Variants in DIP2C observed in about 807,000 individuals in gnomAD.
DIP2C encodes the protein DIP2 acetate--CoA ligase C (putative).
Under a neutral mutation model 192.4 loss-of-function variants are expected in DIP2C, and 33 were observed. The observed-to-expected ratio is 0.17, with a 90% CI of 0.13 to 0.23. DIP2C has a LOEUF of 0.23. Ranked by LOEUF, DIP2C falls within the 10% of genes least tolerant of loss-of-function variation. DIP2C has a pLI of 1.00. For synonymous variants in DIP2C, 979 were observed against 864.1 expected (o/e 1.13, Z -2.33); for missense variants, 1,537 against 2,110.1 (o/e 0.73, Z 5.32).
chr10:642,479 A>C (rs1855243814), intron 1 of DIP2C, among the ~76,000 whole-genome samples: 1 of 152,276 alleles, frequency 6.6e-6, no homozygotes, highest in South Asian at 2.1e-4. Context: ...CCAGGCCACC[A>C]GGTGTCTATT....
chr10:399,251 A>G, intron 9 of DIP2C, 32 bp from the exon 10 acceptor site: 1 of 1,586,294 alleles, frequency 6.3e-7, no homozygotes, highest in Non-Finnish European at 8.7e-7. Context: ...GTCAGCATTA[A>G]CGTGGGGTCC....
At chr10:352,826 C>A (rs12572634) in intron 24 of DIP2C, among the ~76,000 whole-genome samples, 3 of 152,120 alleles carry the variant, frequency 2.0e-5, no homozygotes, top group Admixed American at 6.5e-5. Flanking sequence ...CTACACCACA[C>A]GGCAACTCCA....
rs374436216 is a variant in DIP2C at position 363,162 on chromosome 10, A to C, written c.2592+35T>G. 11 of 1,584,296 alleles carry C rather than the reference A, an allele frequency of 6.9e-6. No homozygotes were observed. The highest frequency in any genetic ancestry group is 9.5e-6 in the Non-Finnish European group (11 of 1,155,870). ...GAAGTAAGGAGGCCAGAAACAAGAC[A>C]CAGGGGACCAGTGCCCAGGGCGAGG... On this transcript the variant is annotated intron_variant, in intron 21 of 36. Coordinates refer to ENST00000280886, the MANE Select transcript of DIP2C (RefSeq NM_014974.3). This position sits in a 1 kb window ranked among gnomAD's most constrained non-coding sequence, Gnocchi z 5.4.
chr10:659,266 A>G (rs1856605841), intron 1 of DIP2C, among the ~76,000 whole-genome samples: 1 of 149,552 alleles, frequency 6.7e-6, no homozygotes, highest in Admixed American at 6.7e-5. Context: ...GCACACACAT[A>G]CATACAACAC....
chr10:431,649 A>G (rs1264133290), intron 4 of DIP2C, among the ~76,000 whole-genome samples: 2 of 152,312 alleles, frequency 1.3e-5, no homozygotes, highest in African/African-American at 4.8e-5. Flanking sequence ...ATTAAACTCA[A>G]TTCTTTTGGA....
At chr10:456,589 G>T (rs1038364683) in intron 3 of DIP2C, among the ~76,000 whole-genome samples, 6 of 152,214 alleles carry the variant, frequency 3.9e-5, no homozygotes, top group Non-Finnish European at 5.9e-5. Flanking sequence ...CCCAAGTCTG[G>T]AAAGAGGACA....
At chr10:397,713 A>G (rs1387699068) in intron 10 of DIP2C, among the ~76,000 whole-genome samples, 1 of 152,228 alleles carries the variant, frequency 6.6e-6, no homozygotes, top group Admixed American at 6.6e-5. Flanking sequence ...TGTCTCTTAC[A>G]GTTACCGTAA....
chr10:656,385 T>C (rs1047551348), intron 1 of DIP2C, among the ~76,000 whole-genome samples: 4 of 152,218 alleles, frequency 2.6e-5, no homozygotes, highest in Non-Finnish European at 4.4e-5. Flanking sequence ...ATCCTGTTTG[T>C]TCCATTCTAT....
chr10:472,361 C>T (rs770581278), intron 3 of DIP2C, 78 bp downstream of exon 3: 45 of 1,362,152 alleles, frequency 3.3e-5, no homozygotes, highest in Non-Finnish European at 4.1e-5. Flanking sequence ...ACTTCTGCCT[C>T]GCCCAGTGGC....
intron 3 of DIP2C, among the ~76,000 whole-genome samples, chr10:449,774 AG>A (rs1221439128): frequency 6.8e-4 from 97 of 142,152 alleles, no homozygotes; most frequent in African/African-American, 2.7e-3. Flanking sequence ...TAAAACTTAA[AG>A]TATAATTAAA....
At chr10:414,753 A>ATTTTTTTTTTTT (rs1965478113) in intron 7 of DIP2C, among the ~76,000 whole-genome samples, 1 of 134,954 alleles carries the variant, frequency 7.4e-6, no homozygotes, top group African/African-American at 2.8e-5. Flanking sequence ...ATATATATAT[A>ATTTTTTTTTTTT]TATAATGTGT....
At position 512,113 on chromosome 10, in the gene DIP2C, A is replaced by G. The variant is rs1296618808; in HGVS notation, c.86-25583T>C. On this transcript the variant is annotated intron_variant, in intron 1 of 36. Transcript: ENST00000280886. ...GGCCTCCTGCTCTTTGTAAATGTCA[A>G]CCTTCCTAAGCAATGTCGTGTTGAC... Among the ~76,000 whole-genome samples the G allele has an allele frequency of 9.2e-5, 14 of 152,316 alleles. No homozygotes were observed. The East Asian group carries it at 1.7e-3, about 19-fold the overall frequency.
At chr10:612,474 G>C (rs1853163148) in intron 1 of DIP2C, among the ~76,000 whole-genome samples, 1 of 152,180 alleles carries the variant, frequency 6.6e-6, no homozygotes, top group Non-Finnish European at 1.5e-5. Flanking sequence ...CACAGTTAAG[G>C]AAATTTTAAA....
intron 1 of DIP2C, among the ~76,000 whole-genome samples, chr10:577,687 T>A (rs1176926574): frequency 6.6e-6 from 1 of 152,226 alleles, no homozygotes; most frequent in East Asian, 1.9e-4. Flanking sequence ...ATACAAGGTT[T>A]TGCTTTTAAC....
chr10:500,913 G>A (rs929159449), intron 1 of DIP2C, among the ~76,000 whole-genome samples: 3 of 152,100 alleles, frequency 2.0e-5, no homozygotes, highest in African/African-American at 7.2e-5. Context: ...ACCTTGCTGT[G>A]TAAAATAATG....
intron 1 of DIP2C, among the ~76,000 whole-genome samples, chr10:677,601 C>T (rs960876736): frequency 3.3e-5 from 5 of 152,202 alleles, no homozygotes; most frequent in Admixed American, 1.3e-4. Flanking sequence ...AGTTATTATA[C>T]ATAGTTGAAG....
Position 363,273 on chromosome 10 carries a change from C to T in DIP2C, c.2516G>A (p.Arg839Lys). 6.2e-7 allele frequency: 1 copy of T among 1,613,192 alleles called. No individual in the cohort carries two copies. The highest frequency in any genetic ancestry group is 8.5e-7 in the Non-Finnish European group (1 of 1,180,006). ...VFSVTVLHDE[R>K]IVIVAEQRPD... ...CCTCTGCTCAGCCACGATCACGATC[C>T]TCTCGTCGTGCAGCACGGTCACCGA... Residue 839 changes from arginine (R) to lysine (K), a missense_variant, in exon 21 of 37, where the codon AGG (arginine) becomes AAG (lysine). Physicochemically the swap from Arg to Lys is conservative, Grantham distance 26. Transcript: ENST00000280886. The surrounding 1 kb of genome is among the most constrained non-coding windows in gnomAD (Gnocchi z 5.4).
chr10:467,540 A>G (rs1373138742), intron 3 of DIP2C, among the ~76,000 whole-genome samples: 1 of 12,438 alleles, frequency 8.0e-5, no homozygotes, highest in African/African-American at 9.2e-5. Context: ...AAAAAAAAAT[A>G]AATAAAATAA....
chr10:288,494 G>A (rs1955278256), intron 32 of DIP2C, 73 bp from the exon 33 acceptor site: 7 of 1,511,364 alleles, frequency 4.6e-6, no homozygotes, highest in Non-Finnish European at 6.4e-6. Flanking sequence ...TTCACACGAG[G>A]TCACGAGCCT....
Sources: allele counts gnomAD v4.1 joint callset (sites outside exome capture counted in the v4.1 genomes callset), GRCh38; gene constraint gnomAD v4.1.1; non-coding constraint Gnocchi (gnomAD v3.1); transcripts MANE v1.5; gene names NCBI Gene and HGNC (gene_info 2026-07-23, HGNC 2026-07-21).